The following ZNF835 variants were observed in gnomAD, a reference collection of about 807,000 sequenced individuals.
ZNF835 encodes zinc finger protein 835.
For synonymous variants in ZNF835, 323 were observed against 324.7 expected (o/e 0.99, Z 0.06); for missense variants, 783 against 758.4 (o/e 1.03, Z -0.38).
chr19:56,666,693 T>A (rs1254133673), intron 1 of ZNF835, among the ~76,000 whole-genome samples: 1 of 152,212 alleles, frequency 6.6e-6, no homozygotes, highest in African/African-American at 2.4e-5. Context: ...TAATTCCCAG[T>A]GTGACAGCGT....
rs145547939 is a variant in ZNF835, at chr19:56,669,393, G to A, written c.-48+2183C>T. 3.5e-4 allele frequency among the ~76,000 whole-genome samples: 54 copies of A among 152,230 alleles called. No individual in the cohort carries two copies. The East Asian group carries it at 4.3e-3, about 12-fold the overall frequency. ...CATAGGTGTGATGACACTGGCCATCGGTGATGAACTCAACTTCCAGCCCTC... is the reference window on the plus strand; with the variant it reads ...CATAGGTGTGATGACACTGGCCATCAGTGATGAACTCAACTTCCAGCCCTC... On this transcript the variant is annotated intron_variant, in intron 1 of 1. Coordinates refer to ENST00000537055, the MANE Select transcript of ZNF835 (RefSeq NM_001005850.3).
Position 56,664,257 on chromosome 19 carries a change from G to A in ZNF835, c.942C>T (p.Leu314=). The change falls in exon 2 of 2, where the codon CTC becomes CTT. Residue 314 remains leucine (L), a synonymous_variant. Coordinates refer to ENST00000537055, the MANE Select transcript of ZNF835 (RefSeq NM_001005850.3). ...CGGCCAGAGAGGCGCTCTGGCTGAA[G>A]AGCGCGCCGCAGTCCTGGCACGTGT... ...KPYTCQDCGA[L]FSQSASLAEH... 1 of 1,607,668 alleles carries A rather than the reference G, an allele frequency of 6.2e-7. No individual in the cohort carries two copies. The highest frequency in any genetic ancestry group is 8.5e-7 in the Non-Finnish European group (1 of 1,177,458).
At chr19:56,668,948 G>A (rs1365009437) in intron 1 of ZNF835, among the ~76,000 whole-genome samples, 1 of 152,038 alleles carries the variant, frequency 6.6e-6, no homozygotes, top group African/African-American at 2.4e-5. Context: ...GGTAAACCTG[G>A]GTGTTGTGCA....
Position 56,665,173 on chromosome 19 carries a change from A to T in ZNF835, c.26T>A (p.Leu9His). The change falls in exon 2 of 2, where the codon CTC becomes CAC. Residue 9 changes from leucine (L) to histidine (H), a missense_variant. Leu to His is a moderately conservative substitution (Grantham distance 99, BLOSUM62 -3). Coordinates refer to ENST00000537055, the MANE Select transcript of ZNF835 (RefSeq NM_001005850.3). The part of the protein sequence containing the change: MEGLLSVA[L>H]QGAELEGNWK... The stretch of plus-strand genomic sequence containing the variant: ...GTTTCCTTCCAACTCTGCGCCCTGG[A>T]GGGCGACGCTCAAGAGTCCCTCCAT... 6.2e-7 allele frequency: 1 copy of T among 1,613,904 alleles called. No homozygotes were observed. Among genetic ancestry groups the T allele is most frequent in the Non-Finnish European group, 8.5e-7 (1 of 1,179,862 alleles).
chr19:56,667,923 C>T (rs1213949332), intron 1 of ZNF835, among the ~76,000 whole-genome samples: 3 of 152,244 alleles, frequency 2.0e-5, no homozygotes, highest in Non-Finnish European at 4.4e-5. Context: ...TGACCTTGGA[C>T]TTCCAGCCCC....
At position 56,664,318 on chromosome 19, in the gene ZNF835, G is replaced by A. The variant is rs1161353356; in HGVS notation, c.881C>T (p.Thr294Ile). The A allele has an allele frequency of 6.2e-7, 1 of 1,605,422 alleles. No homozygotes were observed. Among genetic ancestry groups the A allele is most frequent in the Non-Finnish European group, 8.5e-7 (1 of 1,176,162 alleles). The change falls in exon 2 of 2, where the codon ACC (threonine) becomes ATC (isoleucine). Residue 294 changes from threonine (T) to isoleucine (I), a missense_variant. Coordinates refer to ENST00000537055, the MANE Select transcript of ZNF835 (RefSeq NM_001005850.3). ...AKAFAQIAHLTQHRRVHTGEK... is the reference protein window; with the variant it reads ...AKAFAQIAHLIQHRRVHTGEK... ...GCCCGTGTGCACGCGCCGGTGCTGG[G>A]TCAGGTGCGCGATCTGCGCGAAGGC... is the stretch of plus-strand genomic sequence containing the variant.
chr19:56,663,391 T>C lies in ZNF835; in HGVS notation c.*194A>G, dbSNP rs190187235. On this transcript the variant is annotated 3_prime_UTR_variant, in exon 2 of 2. Transcript: ENST00000537055. ...GGTCTACTTGCCCGTGCCCCATTTA[T>C]AATTTTGCACCAGGAAGACCGCAGG... The C allele has an allele frequency of 4.1e-4, 291 of 712,914 alleles. 2 individuals carry two copies. The African/African-American group carries it at 4.9e-3, about 12-fold the overall frequency. The allele number at this position is 712,914 out of a possible 1,614,324, so 44.2% of individuals were successfully genotyped here. A position where few individuals can be genotyped will look rare whatever the true frequency, so the allele number is the denominator to read the frequency against.
At chr19:56,668,568 C>G (rs1388322937) in intron 1 of ZNF835, among the ~76,000 whole-genome samples, 1 of 152,044 alleles carries the variant, frequency 6.6e-6, no homozygotes, top group Non-Finnish European at 1.5e-5. Context: ...TTCTTTCTGC[C>G]TGACATGCTC....
Position 56,664,232 on chromosome 19 carries a change from C to A in ZNF835, c.967G>T (p.Glu323Ter). 1.3e-6 allele frequency: 2 copies of A among 1,583,342 alleles called. No individual in the cohort carries two copies. Among genetic ancestry groups the A allele is most frequent in the Non-Finnish European group, 1.7e-6 (2 of 1,167,742 alleles). Residue 323 changes from glutamate (E) to a stop codon, truncating the protein, a stop_gained, in exon 2 of 2, where the codon GAG becomes TAG. Coordinates refer to ENST00000537055, the MANE Select transcript of ZNF835 (RefSeq NM_001005850.3). LOFTEE classifies it low-confidence loss of function (END_TRUNC). Reference protein sequence around the residue: ...ALFSQSASLAEHRRIHTGEKP... With the variant: ...ALFSQSASLA Reference sequence around the variant, plus strand: ...TCGCCTGTGTGGATGCGCCGGTGCTCGGCCAGAGAGGCGCTCTGGCTGAAG... The same window carrying A: ...TCGCCTGTGTGGATGCGCCGGTGCTAGGCCAGAGAGGCGCTCTGGCTGAAG...
Sources: gnomAD v4.1 joint callset for allele counts (sites outside exome capture counted in the v4.1 genomes callset) on GRCh38, gnomAD v4.1.1 for gene constraint, MANE v1.5 for transcripts, NCBI Gene and HGNC (gene_info 2026-07-23, HGNC 2026-07-21) for gene names.